The following PCDHA1 variants were observed in gnomAD, a reference collection of about 807,000 sequenced individuals.
PCDHA1 encodes protocadherin alpha 1.
In PCDHA1, 42 loss-of-function variants were observed where a neutral mutation model predicts 61.3. The ratio of observed to expected loss-of-function variants is 0.69; its 90% CI spans 0.54 to 0.89. The LOEUF (loss-of-function observed/expected upper bound fraction) is 0.89. PCDHA1 is among the 40% of genes least tolerant of loss of function. The pLI is 0.00. For synonymous variants in PCDHA1, 610 were observed against 553.8 expected (o/e 1.10, Z -1.43); for missense variants, 1,256 against 1,235.3 (o/e 1.02, Z -0.25).
intron 1 of PCDHA1, among the ~76,000 whole-genome samples, chr5:140,935,657 T>C (rs2090486652): frequency 1.3e-5 from 2 of 152,176 alleles, no homozygotes; most frequent in Non-Finnish European, 2.9e-5. Flanking sequence ...TTTAATTTTC[T>C]TTTATAATTA....
At chr5:140,897,841 C>G (rs1272606504) in intron 1 of PCDHA1, among the ~76,000 whole-genome samples, 2 of 152,282 alleles carry the variant, frequency 1.3e-5, no homozygotes, top group South Asian at 2.1e-4. Flanking sequence ...CACATCCTCT[C>G]CAGCACCTGT....
intron 1 of PCDHA1, chr5:140,797,308 T>C: frequency 6.2e-7 from 1 of 1,614,172 alleles, no homozygotes; most frequent in Non-Finnish European, 8.5e-7. Context: ...AGGTCCAGAC[T>C]CCGCAGAAGA....
At chr5:140,857,733 C>T (rs2044837813) in intron 1 of PCDHA1, 1 of 1,597,494 alleles carries the variant, frequency 6.3e-7, no homozygotes, top group Non-Finnish European at 8.6e-7. Flanking sequence ...GACAACGCTC[C>T]CGCGCTGCTG....
intron 1 of PCDHA1, among the ~76,000 whole-genome samples, chr5:140,831,385 G>C (rs1771511282): frequency 6.7e-6 from 1 of 149,982 alleles, no homozygotes. Flanking sequence ...TGTGTGACAG[G>C]GTCTTGCTCT....
intron 1 of PCDHA1, chr5:140,866,767 G>C (rs913136809): frequency 1.3e-5 from 2 of 152,154 alleles, no homozygotes; most frequent in East Asian, 1.9e-4. Context: ...CATACAGGCA[G>C]ATTGTATGTC....
At chr5:141,009,327 C>A (rs1445732436) in intron 3 of PCDHA1, among the ~76,000 whole-genome samples, 3 of 152,142 alleles carry the variant, frequency 2.0e-5, no homozygotes, top group Non-Finnish European at 2.9e-5. Context: ...GGCATGGGAG[C>A]TTGTGCCTGT....
At position 140,808,692 on chromosome 5, in the gene PCDHA1, G is replaced by A. The variant is rs555898168; in HGVS notation, c.2394+20008G>A. 13 of 1,612,220 alleles carry A rather than the reference G, an allele frequency of 8.1e-6. No individual in the cohort carries two copies. The African/African-American group carries it at 1.5e-4, about 18-fold the overall frequency. ...CTGGTAGAGCGGCGGGTAGGGGAGC[G>A]CGCGCTGTCGAGCTACGTTTCGGTG... On this transcript the variant is annotated intron_variant, in intron 1 of 3. Transcript: ENST00000504120.
intron 1 of PCDHA1, chr5:140,865,257 T>G (rs1250591902): frequency 6.6e-6 from 1 of 152,240 alleles, no homozygotes; most frequent in Non-Finnish European, 1.5e-5. Flanking sequence ...TGTAAGGATG[T>G]GTATCAAATT....
chr5:140,871,036 C>G (rs781977409), intron 1 of PCDHA1: 3 of 1,613,274 alleles, frequency 1.9e-6, no homozygotes, highest in East Asian at 4.5e-5. Flanking sequence ...GCCGCGCCAC[C>G]GACTTCTAGT....
intron 1 of PCDHA1, among the ~76,000 whole-genome samples, chr5:140,818,125 A>G (rs1376121700): frequency 1.3e-5 from 2 of 152,226 alleles, no homozygotes; most frequent in Non-Finnish European, 2.9e-5. Flanking sequence ...TTAAGAGAAG[A>G]TTTAGCAGTA....
chr5:140,843,189 G>A (rs200720426), intron 1 of PCDHA1: 5 of 1,595,874 alleles, frequency 3.1e-6, no homozygotes, highest in Non-Finnish European at 4.3e-6. Flanking sequence ...ATCCCGTTCC[G>A]CGTGGGGCTG....
chr5:140,863,150 AC>A (rs1554157831), intron 1 of PCDHA1: 2 of 619,160 alleles, frequency 3.2e-6, no homozygotes, highest in Non-Finnish European at 6.2e-6. Context: ...CTGGTGAAGG[AC>A]CACTGCGAGC....
In PCDHA1 at chr5:140,848,948, G is replaced by C. The variant is rs2150426215; in HGVS notation, c.2394+60264G>C. ...CGGAATCCAGGCCGCTTGACTCTCG[G>C]TTTCCACTAGAGGGCGCGTCCGATG... On this transcript the variant is annotated intron_variant, in intron 1 of 3. Coordinates refer to ENST00000504120, the MANE Select transcript of PCDHA1 (RefSeq NM_018900.4). 8.1e-6 allele frequency: 13 copies of C among 1,607,010 alleles called. No homozygotes were observed. The African/African-American group carries it at 1.8e-4, about 22-fold the overall frequency.
intron 1 of PCDHA1, chr5:140,928,687 C>A (rs782599747): frequency 6.2e-7 from 1 of 1,614,142 alleles, no homozygotes. Context: ...GCTTTCCTAC[C>A]ACATCTCCCG....
chr5:140,960,713 ATCTTATTTTAGT>A (rs2095563566), intron 1 of PCDHA1, among the ~76,000 whole-genome samples: 3 of 150,862 alleles, frequency 2.0e-5, no homozygotes, highest in Non-Finnish European at 4.4e-5. Flanking sequence ...CCAAATACTC[ATCTTATTTTAGT>A]CCATGATTTT....
chr5:140,856,016 A>G (rs2043730978), intron 1 of PCDHA1: 2 of 1,550,936 alleles, frequency 1.3e-6, no homozygotes, highest in East Asian at 2.3e-5. Flanking sequence ...TAGACCGCTG[A>G]TTCGTCGATT....
intron 1 of PCDHA1, among the ~76,000 whole-genome samples, chr5:140,889,031 A>C (rs1234867332): frequency 6.6e-6 from 1 of 152,012 alleles, no homozygotes; most frequent in African/African-American, 2.4e-5. Flanking sequence ...GGATAACCGT[A>C]ATTTGATTAT....
chr5:140,835,821 G>A lies in PCDHA1; in HGVS notation c.2394+47137G>A, dbSNP rs2150245813. ...CTGCCACATCTTCACTGTGTCGGCG[G>A]GGGACGCGGACGCGCAGAAGAACGC... is the stretch of plus-strand genomic sequence containing the variant. On this transcript the variant is annotated intron_variant, in intron 1 of 3. Transcript: ENST00000504120. The A allele has an allele frequency of 1.9e-6, 3 of 1,612,596 alleles. No homozygotes were observed. In the African/African-American group the frequency reaches 4.0e-5, roughly 22 times the overall value.
intron 1 of PCDHA1, chr5:140,850,559 C>T (rs2150489407): frequency 1.9e-6 from 3 of 1,598,268 alleles, no homozygotes; most frequent in Non-Finnish European, 2.6e-6. Context: ...GTGCCACGGG[C>T]CCCGAGGTGA....
Sources: allele counts gnomAD v4.1 joint callset (sites outside exome capture counted in the v4.1 genomes callset), GRCh38; gene constraint gnomAD v4.1.1; transcripts MANE v1.5; gene names NCBI Gene and HGNC (gene_info 2026-07-23, HGNC 2026-07-21).